Variants in VPS13A observed in about 807,000 individuals in gnomAD.
VPS13A encodes the protein vacuolar protein sorting 13 homolog A, also known as intermembrane lipid transfer protein VPS13A.
In VPS13A, 264 loss-of-function variants were observed where a neutral mutation model predicts 390.9. The ratio of observed to expected loss-of-function variants is 0.68; its 90% CI spans 0.61 to 0.75. The LOEUF (loss-of-function observed/expected upper bound fraction) is 0.75. VPS13A is among the 30% of genes least tolerant of loss of function. The pLI is 0.00. For missense variants in VPS13A, 3,409 were observed against 3,733.9 expected (o/e 0.91, Z 2.27); for synonymous variants, 1,231 against 1,227.1 (o/e 1.00, Z -0.07).
chr9:77,303,129 G>A, intron 34 of VPS13A, 67 bp downstream of exon 34: 1 of 1,550,742 alleles, frequency 6.4e-7, no homozygotes, highest in South Asian at 1.1e-5. Context: ...GGGGACATAA[G>A]GCATCATTTG....
chr9:77,353,370 T>G, intron 53 of VPS13A, 39 bp from the exon 54 acceptor site: 2 of 1,473,162 alleles, frequency 1.4e-6, no homozygotes, highest in Non-Finnish European at 1.9e-6. Context: ...CAAATTCTAA[T>G]TTTTTGGTTT....
In VPS13A at chr9:77,388,948, T is replaced by C. The variant is rs575309746; in HGVS notation, c.9189+6861T>C. Reference sequence around the variant, plus strand: ...AAACCTGTGGATCCATTTGCTGACATTGATTCTCAGTTGACAACTTTAGTA... The same window carrying C: ...AAACCTGTGGATCCATTTGCTGACACTGATTCTCAGTTGACAACTTTAGTA... On this transcript the variant is annotated intron_variant, in intron 68 of 71. Transcript: ENST00000360280. 1.9e-4 allele frequency among the ~76,000 whole-genome samples: 29 copies of C among 152,310 alleles called. No individual in the cohort carries two copies. The South Asian group carries it at 5.2e-3, about 27-fold the overall frequency.
intron 13 of VPS13A, among the ~76,000 whole-genome samples, chr9:77,223,655 G>A (rs1823346986): frequency 6.6e-6 from 1 of 152,176 alleles, no homozygotes; most frequent in African/African-American, 2.4e-5. Context: ...GGAAGCTGCA[G>A]AAGAAAAGTT....
intron 67 of VPS13A, among the ~76,000 whole-genome samples, chr9:77,378,569 A>T (rs989607508): frequency 6.6e-6 from 1 of 151,518 alleles, no homozygotes; most frequent in African/African-American, 2.4e-5. Context: ...AATTCCTGTT[A>T]TTCATAATTT....
At chr9:77,383,628 A>G (rs950134440) in intron 68 of VPS13A, among the ~76,000 whole-genome samples, 5 of 152,032 alleles carry the variant, frequency 3.3e-5, no homozygotes, top group Admixed American at 6.6e-5. Flanking sequence ...TGAGATACCA[A>G]TAATTTCTCA....
intron 22 of VPS13A, among the ~76,000 whole-genome samples, chr9:77,254,088 C>T (rs1025510335): frequency 2.4e-4 from 36 of 151,658 alleles, no homozygotes; most frequent in African/African-American, 7.5e-4. Flanking sequence ...GGACTACAGG[C>T]GCCCGCCACC....
chr9:77,390,740 G>T (rs923766168), intron 68 of VPS13A, among the ~76,000 whole-genome samples: 17 of 148,712 alleles, frequency 1.1e-4, no homozygotes, highest in African/African-American at 4.2e-4. Context: ...ATGCAGTGGT[G>T]CAATCATAGC....
At chr9:77,281,630 G>GT (rs1377662227) in intron 27 of VPS13A, among the ~76,000 whole-genome samples, 1 of 151,838 alleles carries the variant, frequency 6.6e-6, no homozygotes, top group Non-Finnish European at 1.5e-5. Context: ...ATGATAGTAC[G>GT]TAACATTTAT....
intron 1 of VPS13A, among the ~76,000 whole-genome samples, chr9:77,182,787 A>G (rs1423774531): frequency 6.6e-6 from 1 of 152,168 alleles, no homozygotes; most frequent in Non-Finnish European, 1.5e-5. Context: ...TTTATGTAAC[A>G]TTAGAAGTTC....
intron 34 of VPS13A, among the ~76,000 whole-genome samples, chr9:77,304,048 G>A (rs1828556900): frequency 6.6e-6 from 1 of 152,066 alleles, no homozygotes; most frequent in African/African-American, 2.4e-5. Context: ...CATCCCACGA[G>A]GCCATATTTC....
rs1055204241 is a variant in VPS13A at position 77,248,876 on chromosome 9, C to T, written c.2038-1221C>T. Among the ~76,000 whole-genome samples, 28 of 152,244 alleles carry T rather than the reference C, an allele frequency of 1.8e-4. No homozygotes were observed. The East Asian group carries it at 2.3e-3, about 13-fold the overall frequency. ...CCTCCCAAGTAGCTGGGATTTCAGG[C>T]GTGTGCCATCAAGCCCAGACAGTTT... On this transcript the variant is annotated intron_variant, in intron 20 of 71. Coordinates refer to ENST00000360280, the MANE Select transcript of VPS13A (RefSeq NM_033305.3).
At chr9:77,330,754 T>C (rs1243489822) in intron 45 of VPS13A, among the ~76,000 whole-genome samples, 3 of 152,062 alleles carry the variant, frequency 2.0e-5, no homozygotes, top group African/African-American at 2.4e-5. Flanking sequence ...TTAAAAAATA[T>C]AGACATTTAA....
Position 77,344,228 on chromosome 9 carries a change from A to G in VPS13A, c.7102A>G (p.Arg2368Gly), listed in dbSNP as rs1459527520. ...CGAAAGGAGTGAAGATCCTCCCAAA[A>G]GGATATATTTTAACAAGCAGGAAAA... is the stretch of plus-strand genomic sequence containing the variant. ...QVERSEDPPK[R>G]IYFNKQENCI... The change falls in exon 51 of 72, where the codon AGG (arginine) becomes GGG (glycine). Residue 2368 changes from arginine to glycine, a missense_variant. This residue lies in a region of VPS13A where 2,717 missense variants were observed against 2,917.4 expected (regional missense o/e 0.93). Transcript: ENST00000360280. The G allele has an allele frequency of 6.2e-7, 1 of 1,613,388 alleles. No individual in the cohort carries two copies. Among genetic ancestry groups the G allele is most frequent in the Non-Finnish European group, 8.5e-7 (1 of 1,179,616 alleles).
intron 71 of VPS13A, among the ~76,000 whole-genome samples, chr9:77,411,339 A>G (rs1174998035): frequency 1.3e-5 from 2 of 152,180 alleles, no homozygotes; most frequent in Non-Finnish European, 2.9e-5. Context: ...GAAAGCAGGA[A>G]AAATCTAAAA....
chr9:77,184,436 T>G (rs892244663), intron 1 of VPS13A, among the ~76,000 whole-genome samples: 21 of 152,104 alleles, frequency 1.4e-4, no homozygotes, highest in African/African-American at 5.1e-4. Context: ...CTGGCCAACA[T>G]GGTGAGACCC....
In VPS13A at chr9:77,293,486, C is replaced by A; in HGVS notation, c.3485C>A (p.Thr1162Lys). 6.3e-7 allele frequency: 1 copy of A among 1,586,508 alleles called. No homozygotes were observed. The highest frequency in any genetic ancestry group is 8.6e-7 in the Non-Finnish European group (1 of 1,166,318). Residue 1162 changes from threonine to lysine, a missense_variant, in exon 32 of 72, where the codon ACG (threonine) becomes AAG (lysine). This residue lies in a region of VPS13A where 2,717 missense variants were observed against 2,917.4 expected (regional missense o/e 0.93). Transcript: ENST00000360280. ...IVGCIEVVFV[T>K]KFLYSILAFI... ...GGTTGCATTGAAGTAGTTTTTGTCA[C>A]GAAATTTCTATATTCTATATTGGTA...
chr9:77,415,865 T>G (rs909891857), intron 71 of VPS13A, 91 bp from the exon 72 acceptor site: 1 of 1,491,942 alleles, frequency 6.7e-7, no homozygotes, highest in African/African-American at 1.4e-5. Context: ...AACTAAACTA[T>G]AAAGCTAACT....
intron 68 of VPS13A, chr9:77,389,658 A>G (rs940090616): frequency 5.3e-5 from 8 of 151,840 alleles, no homozygotes; most frequent in Admixed American, 5.3e-4. Context: ...AAACATTTCT[A>G]CCTTTTGACT....
chr9:77,339,032 C>T (rs1312462066), intron 47 of VPS13A: 4 of 178,996 alleles, frequency 2.2e-5, no homozygotes, highest in African/African-American at 9.6e-5. Flanking sequence ...TGGAGAGATA[C>T]ATATGACGTA....
Sources: gnomAD v4.1 joint callset for allele counts (sites outside exome capture counted in the v4.1 genomes callset) on GRCh38, gnomAD v4.1.1 for gene constraint, gnomAD v4.1.1 regional missense constraint, MANE v1.5 for transcripts, NCBI Gene and HGNC (gene_info 2026-07-23, HGNC 2026-07-21) for gene names.